Variants in SLC38A8 observed in about 807,000 individuals in gnomAD.
SLC38A8 encodes amino acid transporter SLC38A8.
In SLC38A8, 65 loss-of-function variants were observed where a neutral mutation model predicts 46.0. The ratio of observed to expected loss-of-function variants is 1.41; its 90% CI spans 1.16 to 1.74. The LOEUF (loss-of-function observed/expected upper bound fraction) is 1.74. Ranked by LOEUF, SLC38A8 falls within the 40% of genes most tolerant of loss-of-function variation. The pLI, the probability that SLC38A8 is intolerant of heterozygous loss-of-function variation, is 0.00. For missense variants in SLC38A8, 998 were observed against 567.9 expected (o/e 1.76, Z -7.70); for synonymous variants, 447 against 243.7 (o/e 1.83, Z -7.77).
At chr16:84,017,967 T>C (rs1003461791) in intron 7 of SLC38A8, among the ~76,000 whole-genome samples, 4 of 152,186 alleles carry the variant, frequency 2.6e-5, no homozygotes, top group African/African-American at 9.6e-5. Context: ...TGGGACCTCC[T>C]CTGCTGGGGA....
intron 10 of SLC38A8, 132 bp from the exon 11 acceptor site, chr16:84,010,009 T>C (rs1010473083): frequency 4.6e-6 from 3 of 649,140 alleles, no homozygotes; most frequent in Middle Eastern, 2.6e-4. Flanking sequence ...ATTCAGAATA[T>C]TTCCAGTTAC....
At chr16:84,031,743 C>A in intron 5 of SLC38A8, 124 bp downstream of exon 5, 1 of 796,380 alleles carries the variant, frequency 1.3e-6, no homozygotes. Context: ...ACGGAAAGAA[C>A]TGGAAGGAAG....
chr16:84,039,678 G>C (rs1228332152), intron 2 of SLC38A8, among the ~76,000 whole-genome samples: 1 of 151,026 alleles, frequency 6.6e-6, no homozygotes, highest in Non-Finnish European at 1.5e-5. Context: ...AACCAGGGAG[G>C]CGGAGGTTGC....
At chr16:84,015,051 G>C (rs1340401120) in intron 9 of SLC38A8, among the ~76,000 whole-genome samples, 1 of 152,144 alleles carries the variant, frequency 6.6e-6, no homozygotes, top group African/African-American at 2.4e-5. Context: ...CATAACGGCT[G>C]CATCAGGGTG....
At chr16:84,014,368 G>C (rs7200988) in intron 9 of SLC38A8, among the ~76,000 whole-genome samples, 1 of 149,568 alleles carries the variant, frequency 6.7e-6, no homozygotes. Context: ...GGGAGGAGTC[G>C]TGTGGCCACA....
chr16:84,038,625 G>C (rs760039093), intron 2 of SLC38A8, among the ~76,000 whole-genome samples: 49 of 152,216 alleles, frequency 3.2e-4, no homozygotes, highest in Non-Finnish European at 5.9e-4. Flanking sequence ...AGTCTTAAGT[G>C]TATTGCTGGA....
intron 4 of SLC38A8, among the ~76,000 whole-genome samples, chr16:84,032,596 G>A (rs1449025387): frequency 5.3e-5 from 8 of 152,216 alleles, no homozygotes; most frequent in African/African-American, 9.6e-5. Context: ...AAGGCAGGAC[G>A]CCAGCAGGCT....
intron 2 of SLC38A8, among the ~76,000 whole-genome samples, chr16:84,037,892 T>C (rs2085319814): frequency 7.5e-6 from 1 of 134,042 alleles, no homozygotes. Context: ...CATTGCAACC[T>C]CCAGCTGCTA....
chr16:84,015,804 C>G (rs1452427318), intron 9 of SLC38A8, among the ~76,000 whole-genome samples: 2 of 152,192 alleles, frequency 1.3e-5, no homozygotes, highest in Admixed American at 1.3e-4. Flanking sequence ...CTCCCGGGTT[C>G]AAGTGATTCT....
chr16:84,028,695 C>T (rs1238890169), intron 6 of SLC38A8, among the ~76,000 whole-genome samples: 1 of 151,016 alleles, frequency 6.6e-6, no homozygotes, highest in Non-Finnish European at 1.5e-5. Context: ...CCTGCCCCCC[C>T]TGCCCCGCCA....
intron 7 of SLC38A8, among the ~76,000 whole-genome samples, chr16:84,018,608 A>C (rs1448523153): frequency 1.3e-5 from 2 of 152,054 alleles, no homozygotes; most frequent in Non-Finnish European, 2.9e-5. Flanking sequence ...CCCCTGCCCC[A>C]TGCCTGCCTC....
At chr16:84,022,939 G>A (rs1338831031) in intron 6 of SLC38A8, 50 bp from the exon 7 acceptor site, 2 of 1,405,934 alleles carry the variant, frequency 1.4e-6, no homozygotes, top group African/African-American at 1.5e-5. Context: ...CCTGGAACAG[G>A]CGATGCGAAA....
At chr16:84,023,993 A>G (rs1470667049) in intron 6 of SLC38A8, among the ~76,000 whole-genome samples, 1 of 152,224 alleles carries the variant, frequency 6.6e-6, no homozygotes, top group African/African-American at 2.4e-5. Context: ...CTCAGCCTTG[A>G]CACGATTGAT....
At chr16:84,021,107 G>A (rs2085089613) in intron 7 of SLC38A8, among the ~76,000 whole-genome samples, 1 of 152,136 alleles carries the variant, frequency 6.6e-6, no homozygotes, top group Non-Finnish European at 1.5e-5. Flanking sequence ...TTGTTGCCCA[G>A]GCTGGAGTGC....
intron 5 of SLC38A8, among the ~76,000 whole-genome samples, chr16:84,030,382 A>T (rs1042719469): frequency 6.6e-6 from 1 of 152,040 alleles, no homozygotes; most frequent in Non-Finnish European, 1.5e-5. Context: ...TGCCTGTGCT[A>T]GAGTACCACC....
In SLC38A8 at chr16:84,009,787, G is replaced by C. The variant is rs111765632; in HGVS notation, c.1305C>G (p.Phe435Leu). ...CCTGCCCGGCACTAGCTGCCCATCA[G>C]AACATCTCCCAGACCGCTGCCGCCG... ...QSTAAAVWEM[F>L] is the part of the protein sequence containing the mutation. Residue 435 changes from phenylalanine (F) to leucine (L), a missense_variant, in exon 11 of 11, where the codon TTC (phenylalanine) becomes TTG (leucine). Phe to Leu is a conservative substitution (Grantham distance 22). Transcript: ENST00000299709. The C allele has an allele frequency of 3.8e-4, 621 of 1,613,672 alleles. 2 individuals are homozygous for C. In the African/African-American group the frequency reaches 7.1e-3, roughly 18 times the overall value.
At chr16:84,012,968 C>G in intron 10 of SLC38A8, 33 bp downstream of exon 10, 1 of 1,612,536 alleles carries the variant, frequency 6.2e-7, no homozygotes. Flanking sequence ...CCGGGGCACA[C>G]CCAGGGTGCC....
intron 10 of SLC38A8, among the ~76,000 whole-genome samples, chr16:84,011,371 G>C (rs1006563319): frequency 2.0e-5 from 3 of 152,192 alleles, no homozygotes; most frequent in South Asian, 4.1e-4. Flanking sequence ...ACATTGGGAG[G>C]CTGGTTCAAT....
chr16:84,036,608 G>A, intron 3 of SLC38A8, 94 bp downstream of exon 3: 3 of 1,438,282 alleles, frequency 2.1e-6, no homozygotes, highest in Non-Finnish European at 1.9e-6. Context: ...TCAGGGCCCA[G>A]GCCAGGGCCC....
Sources: allele counts gnomAD v4.1 joint callset (sites outside exome capture counted in the v4.1 genomes callset), GRCh38; gene constraint gnomAD v4.1.1; transcripts MANE v1.5; gene names NCBI Gene and HGNC (gene_info 2026-07-23, HGNC 2026-07-21).